SLC10A7: variants seen among roughly 807,000 people sequenced by gnomAD.
SLC10A7 encodes solute carrier family 10 member 7, also known as sodium/bile acid cotransporter 7.
In SLC10A7, 29 loss-of-function variants were observed where a neutral mutation model predicts 43.2. That is an observed-to-expected ratio of 0.67 (90% CI 0.50 to 0.92). SLC10A7 has a LOEUF of 0.92. SLC10A7 is among the 40% of genes least tolerant of loss of function. SLC10A7 has a pLI of 0.00. For synonymous variants in SLC10A7, 152 were observed against 144.8 expected (o/e 1.05, Z -0.35); for missense variants, 295 against 403.2 (o/e 0.73, Z 2.30).
At chr4:146,447,341 TC>T (rs1356121387) in intron 4 of SLC10A7, among the ~76,000 whole-genome samples, 6 of 152,160 alleles carry the variant, frequency 3.9e-5, no homozygotes, top group African/African-American at 1.4e-4. Flanking sequence ...ACTCCTGGAC[TC>T]AAGCGATCCT....
chr4:146,427,964 T>G (rs946824969), intron 5 of SLC10A7, among the ~76,000 whole-genome samples: 2 of 151,820 alleles, frequency 1.3e-5, no homozygotes, highest in African/African-American at 4.8e-5. Context: ...TGAGCCCAGG[T>G]GATCAAGAAC....
intron 10 of SLC10A7, among the ~76,000 whole-genome samples, chr4:146,270,406 G>A (rs181543313): frequency 3.3e-5 from 5 of 152,292 alleles, no homozygotes; most frequent in Non-Finnish European, 5.9e-5. Context: ...CCAATGGGTA[G>A]GTACAACCCA....
chr4:146,400,161 C>T (rs1241606356), intron 5 of SLC10A7, among the ~76,000 whole-genome samples: 3 of 152,148 alleles, frequency 2.0e-5, no homozygotes, highest in Non-Finnish European at 4.4e-5. Context: ...TTACAAGCAG[C>T]AAGTGATCAA....
intron 5 of SLC10A7, among the ~76,000 whole-genome samples, chr4:146,403,909 A>C (rs1739391118): frequency 6.6e-6 from 1 of 152,188 alleles, no homozygotes; most frequent in Non-Finnish European, 1.5e-5. Flanking sequence ...CAAGTCCATG[A>C]TGGCTTTGAT....
At chr4:146,328,349 T>C (rs372238338) in intron 5 of SLC10A7, among the ~76,000 whole-genome samples, 3 of 152,290 alleles carry the variant, frequency 2.0e-5, no homozygotes, top group East Asian at 3.9e-4. Flanking sequence ...GTGTGGACTA[T>C]TGGGAGGCCT....
At chr4:146,490,023 A>ATT (rs139072133) in intron 4 of SLC10A7, among the ~76,000 whole-genome samples, 1 of 148,494 alleles carries the variant, frequency 6.7e-6, no homozygotes. Context: ...CAAAAATTCT[A>ATT]TTTTTTTTTT....
intron 9 of SLC10A7, among the ~76,000 whole-genome samples, chr4:146,288,856 T>C (rs566674303): frequency 6.6e-6 from 1 of 152,350 alleles, no homozygotes; most frequent in East Asian, 1.9e-4. Flanking sequence ...TCTCTTGAGA[T>C]ATTTATTTCC....
At chr4:146,475,108 T>C (rs1030714477) in intron 4 of SLC10A7, among the ~76,000 whole-genome samples, 2 of 152,142 alleles carry the variant, frequency 1.3e-5, no homozygotes, top group Non-Finnish European at 2.9e-5. Context: ...AGATTAAGTA[T>C]GAGATATCGA....
At chr4:146,284,373 A>G (rs1274177444) in intron 9 of SLC10A7, among the ~76,000 whole-genome samples, 1 of 152,074 alleles carries the variant, frequency 6.6e-6, no homozygotes, top group African/African-American at 2.4e-5. Flanking sequence ...TTGCTGGGAG[A>G]AAACTCTTCC....
intron 4 of SLC10A7, among the ~76,000 whole-genome samples, chr4:146,476,415 A>G (rs1734035918): frequency 6.6e-6 from 1 of 152,154 alleles, no homozygotes; most frequent in Non-Finnish European, 1.5e-5. Context: ...CAGTATTGAC[A>G]ACTTCTGAAA....
At chr4:146,267,797 TC>T (rs1271024356) in intron 10 of SLC10A7, among the ~76,000 whole-genome samples, 5 of 152,144 alleles carry the variant, frequency 3.3e-5, no homozygotes, top group Non-Finnish European at 5.9e-5. Context: ...TTTCTCAGTG[TC>T]CTAGGGTTGG....
chr4:146,416,164 A>G (rs1560887364), intron 5 of SLC10A7, among the ~76,000 whole-genome samples: 1 of 152,176 alleles, frequency 6.6e-6, no homozygotes, highest in Non-Finnish European at 1.5e-5. Context: ...ATTAAAGCAA[A>G]AACAATCTAA....
At chr4:146,472,187 G>A (rs982390562) in intron 4 of SLC10A7, among the ~76,000 whole-genome samples, 1 of 57,234 alleles carries the variant, frequency 1.7e-5, no homozygotes, top group Admixed American at 1.9e-4. Flanking sequence ...CATTATACCT[G>A]GGTACAAATG....
intron 5 of SLC10A7, among the ~76,000 whole-genome samples, chr4:146,390,021 A>C (rs1738301845): frequency 6.6e-6 from 1 of 152,252 alleles, no homozygotes; most frequent in Admixed American, 6.5e-5. Context: ...AATGACAATT[A>C]TAATAGTACA....
chr4:146,442,952 C>A, intron 4 of SLC10A7, 131 bp from the exon 5 acceptor site: 1 of 657,534 alleles, frequency 1.5e-6, no homozygotes, highest in South Asian at 2.2e-5. Context: ...CAAAGTTAGT[C>A]ACTGCTTACA....
At chr4:146,329,658 G>A (rs1389624098) in intron 5 of SLC10A7, among the ~76,000 whole-genome samples, 1 of 152,152 alleles carries the variant, frequency 6.6e-6, no homozygotes, top group Non-Finnish European at 1.5e-5. Flanking sequence ...TCTGAGAGGA[G>A]TTTCAGGCTC....
chr4:146,305,901 G>C (rs1731536200), intron 7 of SLC10A7, 25 bp downstream of exon 7: 1 of 1,561,324 alleles, frequency 6.4e-7, no homozygotes, highest in South Asian at 1.2e-5. Flanking sequence ...ATAAAGAAAA[G>C]ATCAGATAGA....
intron 4 of SLC10A7, among the ~76,000 whole-genome samples, chr4:146,478,911 AAAC>A (rs2149981172): frequency 6.6e-6 from 1 of 152,308 alleles, no homozygotes; most frequent in African/African-American, 2.4e-5. Flanking sequence ...TTTCCCAAGA[AAAC>A]AAAAATAATC....
At chr4:146,438,040 T>C (rs1730330224) in intron 5 of SLC10A7, among the ~76,000 whole-genome samples, 1 of 152,042 alleles carries the variant, frequency 6.6e-6, no homozygotes, top group Non-Finnish European at 1.5e-5. Context: ...AAGAAGGTGA[T>C]AAACATGTCA....
Sources: gnomAD v4.1 joint callset for allele counts (sites outside exome capture counted in the v4.1 genomes callset) on GRCh38, gnomAD v4.1.1 for gene constraint, MANE v1.5 for transcripts, NCBI Gene and HGNC (gene_info 2026-07-23, HGNC 2026-07-21) for gene names.